The following ZBTB4 variants were observed in gnomAD, a reference collection of about 807,000 sequenced individuals.
ZBTB4 encodes zinc finger and BTB domain containing 4.
In ZBTB4, 14 loss-of-function variants were observed where a neutral mutation model predicts 59.8. The ratio of observed to expected loss-of-function variants is 0.23; its 90% CI spans 0.15 to 0.37. The LOEUF is 0.37. ZBTB4 is among the 10% of genes least tolerant of loss of function. ZBTB4 has a pLI of 1.00. For synonymous variants in ZBTB4, 587 were observed against 575.2 expected (o/e 1.02, Z -0.29); for missense variants, 1,198 against 1,380.8 (o/e 0.87, Z 2.10).
Position 7,462,214 on chromosome 17 carries a change from G to GGGTAGGGCTCAGGGTAGAAAGTGACTTT in ZBTB4, c.2740_2767dup (p.Pro923GlnfsTer7). 2 of 1,613,784 alleles carry GGGTAGGGCTCAGGGTAGAAAGTGACTTT rather than the reference G, an allele frequency of 1.2e-6. No homozygotes were observed. Among genetic ancestry groups the GGGTAGGGCTCAGGGTAGAAAGTGACTTT allele is most frequent in the Non-Finnish European group, 1.7e-6 (2 of 1,179,864 alleles). Reference sequence around the variant, plus strand: ...AAGGAGCTGGGGGCCATAGACGAGCGGGTAGGGCTCAGGGTAGAAAGTGAC... The same window carrying GGGTAGGGCTCAGGGTAGAAAGTGACTTT: ...AAGGAGCTGGGGGCCATAGACGAGCGGGTAGGGCTCAGGGTAGAAAGTGACTTTGGTAGGGCTCAGGGTAGAAAGTGAC... On this transcript the variant is annotated stop_gained and frameshift_variant, in exon 4 of 4. Transcript: ENST00000380599. LOFTEE classifies it high-confidence loss of function. This position sits in a 1 kb window ranked among gnomAD's most constrained non-coding sequence, Gnocchi z 7.5.
rs2070075055 is a variant in ZBTB4 at position 7,463,951 on chromosome 17, G to A, written c.1092-61C>T. On this transcript the variant is annotated intron_variant, in intron 3 of 3. Coordinates refer to ENST00000380599, the MANE Select transcript of ZBTB4 (RefSeq NM_001128833.2). ...AGGCACTTGAGTCAAGGGCCCTGAA[G>A]CCTCCCAGGTCCTCCTACACCCTGC... 2.6e-6 allele frequency: 4 copies of A among 1,552,684 alleles called. No homozygotes were observed. The East Asian group carries it at 6.7e-5, about 26-fold the overall frequency.
chr17:7,470,863 G>A (rs2070188767), intron 1 of ZBTB4, among the ~76,000 whole-genome samples: 1 of 152,130 alleles, frequency 6.6e-6, no homozygotes, highest in African/African-American at 2.4e-5. Flanking sequence ...CGTGTTTATG[G>A]CACCCACTAG....
chr17:7,482,797 C>T (rs1257115096), upstream of ZBTB4: 1 of 1,611,910 alleles, frequency 6.2e-7, no homozygotes, highest in Non-Finnish European at 8.5e-7. Context: ...CATGTGTGAG[C>T]TATGCGGTCA....
Position 7,460,834 on chromosome 17 carries a change from A to C in ZBTB4, c.*1106T>G, listed in dbSNP as rs2070010020. ...AGTTGGTGGGGATACCCCAAAGCCC[A>C]CCAGAAGAGTAGAATGGTTCCCCCA... On this transcript the variant is annotated 3_prime_UTR_variant, in exon 4 of 4. Transcript: ENST00000380599. 6.6e-6 allele frequency: 1 copy of C among 152,646 alleles called. No homozygotes were observed. Among genetic ancestry groups the C allele is most frequent in the Non-Finnish European group, 1.5e-5 (1 of 68,062 alleles). The allele number at this position is 152,646 out of a possible 1,614,324, so 9.5% of individuals were successfully genotyped here. A position where few individuals can be genotyped will look rare whatever the true frequency, so the allele number is the denominator to read the frequency against.
At chr17:7,472,955 C>CTT (rs983778907) in intron 1 of ZBTB4, among the ~76,000 whole-genome samples, 1 of 144,242 alleles carries the variant, frequency 6.9e-6, no homozygotes. Flanking sequence ...AACTGCTTCT[C>CTT]TTTTTTTTTT....
chr17:7,471,486 A>G (rs1366877792), intron 1 of ZBTB4, among the ~76,000 whole-genome samples: 1 of 152,234 alleles, frequency 6.6e-6, no homozygotes, highest in African/African-American at 2.4e-5. Context: ...CAGTGAGACA[A>G]CAGGCTTAGA....
chr17:7,463,090 T>C lies in ZBTB4; in HGVS notation c.1892A>G (p.Glu631Gly). Residue 631 changes from glutamate (E) to glycine (G), a missense_variant, in exon 4 of 4, where the codon GAG becomes GGG. By Grantham distance (98) the Glu-to-Gly change is moderately conservative. Coordinates refer to ENST00000380599, the MANE Select transcript of ZBTB4 (RefSeq NM_001128833.2). ...TDLRPGELSG[E>G]EMEESEEDEE... ...GTCCTCCTCACTCTCCTCCATCTCC[T>C]CTCCGCTCAGCTCCCCAGGACGCAG... 6.2e-7 allele frequency: 1 copy of C among 1,610,698 alleles called. No individual in the cohort carries two copies. Among genetic ancestry groups the C allele is most frequent in the East Asian group, 2.2e-5 (1 of 44,822 alleles).
chr17:7,462,870 C>T lies in ZBTB4; in HGVS notation c.2112G>A (p.Arg704=). ...CCGCTGGGGTTTCCTCCCAGCTCCT[C>T]CGTTCCAGCTTCTGCCTCCAACGTG... ...RPPRWRQKLE[R]RSWEETPAAE... Residue 704 remains arginine (R), a synonymous_variant, in exon 4 of 4, where the codon CGG becomes CGA. Coordinates refer to ENST00000380599, the MANE Select transcript of ZBTB4 (RefSeq NM_001128833.2). This position sits in a 1 kb window ranked among gnomAD's most constrained non-coding sequence, Gnocchi z 7.5. 1.2e-6 allele frequency: 2 copies of T among 1,606,334 alleles called. No individual in the cohort carries two copies. The highest frequency in any genetic ancestry group is 1.7e-4 in the Middle Eastern group (1 of 6,060).
chr17:7,461,608 TTCAGAG>T lies in ZBTB4; in HGVS notation c.*326_*331del. 1 of 231,692 alleles carries T rather than the reference TTCAGAG, an allele frequency of 4.3e-6. No individual in the cohort carries two copies. The highest frequency in any genetic ancestry group is 5.2e-5 in the Admixed American group (1 of 19,202). 14.4% of individuals were successfully genotyped at this position (231,692 alleles called of 1,614,324 possible). A position where few individuals can be genotyped will look rare whatever the true frequency, so the allele number is the denominator to read the frequency against. On this transcript the variant is annotated 3_prime_UTR_variant, in exon 4 of 4. Coordinates refer to ENST00000380599, the MANE Select transcript of ZBTB4 (RefSeq NM_001128833.2). ...ACGAATCAGGGGAGCAGGTTAGACA[TTCAGAG>T]CTGGTGGGGGCTGTGAGTAGAGATT...
In ZBTB4 at chr17:7,466,314, A is replaced by G; in HGVS notation, c.488T>C (p.Ile163Thr). The G allele has an allele frequency of 1.9e-6, 3 of 1,613,848 alleles. No homozygotes were observed. Among genetic ancestry groups the G allele is most frequent in the Non-Finnish European group, 2.5e-6 (3 of 1,179,908 alleles). ...GGGDGAAVAE[I>T]GALGRRLGIS... Reference sequence around the variant, plus strand: ...GCCCAGACGGCGCCCCAAAGCTCCAATCTCTGCTACAGCTGCCCCGTCCCC... The same window carrying G: ...GCCCAGACGGCGCCCCAAAGCTCCAGTCTCTGCTACAGCTGCCCCGTCCCC... The change falls in exon 3 of 4, where the codon ATT becomes ACT. Residue 163 changes from isoleucine to threonine, a missense_variant. By Grantham distance (89) the Ile-to-Thr change is moderately conservative (BLOSUM62 -1). This residue lies in a region of ZBTB4 where 31 missense variants were observed against 67.6 expected (regional missense o/e 0.46). Coordinates refer to ENST00000380599, the MANE Select transcript of ZBTB4 (RefSeq NM_001128833.2). This position sits in a 1 kb window ranked among gnomAD's most constrained non-coding sequence, Gnocchi z 9.1.
In ZBTB4 at chr17:7,459,406, A is replaced by G. The variant is rs905656578; in HGVS notation, c.*2534T>C. On this transcript the variant is annotated 3_prime_UTR_variant, in exon 4 of 4. Coordinates refer to ENST00000380599, the MANE Select transcript of ZBTB4 (RefSeq NM_001128833.2). ...ATTTGTCTTGTTGGTTTATTGGCCTACAGAGTTGGACACACACACAAATGC... is the reference window on the plus strand; with the variant it reads ...ATTTGTCTTGTTGGTTTATTGGCCTGCAGAGTTGGACACACACACAAATGC... The G allele has an allele frequency of 3.3e-5, 5 of 152,640 alleles. No individual in the cohort carries two copies. Among genetic ancestry groups the G allele is most frequent in the African/African-American group, 1.2e-4 (5 of 41,442 alleles). 9.5% of individuals were successfully genotyped at this position (152,640 alleles called of 1,614,324 possible). A position where few individuals can be genotyped will look rare whatever the true frequency, so the allele number is the denominator to read the frequency against.
chr17:7,482,102 C>T (rs758492749), upstream of ZBTB4: 3 of 1,614,214 alleles, frequency 1.9e-6, no homozygotes, highest in South Asian at 2.2e-5. Flanking sequence ...CACCAATGGC[C>T]TGCTGGTGGC....
intron 1 of ZBTB4, among the ~76,000 whole-genome samples, chr17:7,473,586 G>C (rs572422478): frequency 1.3e-5 from 2 of 152,024 alleles, no homozygotes; most frequent in African/African-American, 4.8e-5. Context: ...TTGCTCTGTT[G>C]CCCAGGCTGC....
Position 7,466,499 on chromosome 17 carries a change from A to G in ZBTB4, c.303T>C (p.Ala101=), listed in dbSNP as rs2070127240. 3 of 1,609,356 alleles carry G rather than the reference A, an allele frequency of 1.9e-6. No homozygotes were observed. In the East Asian group the frequency reaches 6.7e-5, roughly 36 times the overall value. Reference sequence around the variant, plus strand: ...AAGAGGAAGAGGAAGAAGAAGAAGAAGCAGAGGAGGAAGAAGAGGAAGAAG... The same window carrying G: ...AAGAGGAAGAGGAAGAAGAAGAAGAGGCAGAGGAGGAAGAAGAGGAAGAAG... The part of the protein sequence containing the change: ...SSSSSSSSSS[A]SSSSSSSSSS... The change falls in exon 3 of 4, where the codon GCT becomes GCC. Residue 101 remains alanine (A), a synonymous_variant. Transcript: ENST00000380599. The surrounding 1 kb of genome is among the most constrained non-coding windows in gnomAD (Gnocchi z 9.1).
At chr17:7,480,836 G>T (rs573641829), upstream of ZBTB4, among the ~76,000 whole-genome samples, 9 of 152,038 alleles carry the variant, frequency 5.9e-5, no homozygotes, top group Admixed American at 5.9e-4. Flanking sequence ...ACAAACTTTG[G>T]AGTCATGGAG....
chr17:7,475,498 C>G (rs1597779371), intron 1 of ZBTB4, among the ~76,000 whole-genome samples: 1 of 151,986 alleles, frequency 6.6e-6, no homozygotes, highest in East Asian at 1.9e-4. Context: ...GTTGCCCAGG[C>G]TGGAGCGCAG....
intron 1 of ZBTB4, among the ~76,000 whole-genome samples, chr17:7,469,411 CT>C: frequency 6.6e-6 from 1 of 151,722 alleles, no homozygotes; most frequent in South Asian, 2.1e-4. Flanking sequence ...TGTGACCTGC[CT>C]ACCTAGGCCT....
At chr17:7,470,160 G>T (rs575990976) in intron 1 of ZBTB4, among the ~76,000 whole-genome samples, 2 of 152,282 alleles carry the variant, frequency 1.3e-5, no homozygotes, top group South Asian at 2.1e-4. Context: ...CACTTTGGAA[G>T]GCTGAGGCAG....
At chr17:7,480,421 C>A (rs2070329480), upstream of ZBTB4, among the ~76,000 whole-genome samples, 1 of 152,168 alleles carries the variant, frequency 6.6e-6, no homozygotes, top group Non-Finnish European at 1.5e-5. Context: ...CAGCTCCTTG[C>A]CTTAAAACCT....
Sources: gnomAD v4.1 joint callset for allele counts (sites outside exome capture counted in the v4.1 genomes callset) on GRCh38, gnomAD v4.1.1 for gene constraint, gnomAD v4.1.1 regional missense constraint, Gnocchi (gnomAD v3.1) non-coding constraint, MANE v1.5 for transcripts, NCBI Gene and HGNC (gene_info 2026-07-23, HGNC 2026-07-21) for gene names.